KIF26A: variants seen among roughly 807,000 people sequenced by gnomAD.
The protein encoded by KIF26A is kinesin-like protein KIF26A.
KIF26A carries 74 observed loss-of-function variants against 126.0 expected under a neutral mutation model. The observed-to-expected ratio is 0.59, with a 90% CI of 0.49 to 0.71. The LOEUF is 0.71. Ranked by LOEUF, KIF26A falls within the 30% of genes least tolerant of loss-of-function variation. The probability of loss-of-function intolerance (pLI) is 0.00; values close to 1 mark genes in which losing one functional copy is unlikely to be tolerated. For synonymous variants in KIF26A, 1,445 were observed against 1,232.7 expected, an observed-to-expected ratio of 1.17 and a Z score of -3.61; for missense variants, 2,984 against 2,763.3, an observed-to-expected ratio of 1.08 and a Z score of -1.79.
At chr14:104,157,247 A>G (rs79713436) in intron 3 of KIF26A, among the ~76,000 whole-genome samples, 11,065 of 152,230 alleles carry the variant, frequency 0.073, 1,311 homozygotes, top group African/African-American at 0.25. Flanking sequence ...CCAGGGTAGT[A>G]TTTCAGATGA....
rs908043150 is a variant in KIF26A at position 104,165,355 on chromosome 14, C to T, written c.924-1504C>T. Among the ~76,000 whole-genome samples, 25 of 131,388 alleles carry T rather than the reference C, an allele frequency of 1.9e-4. No individual in the cohort carries two copies. In the South Asian group the frequency reaches 2.2e-3, roughly 12 times the overall value. 86.2% of individuals were successfully genotyped at this position (131,388 alleles called of 152,430 possible). A position where few individuals can be genotyped will look rare whatever the true frequency, so the allele number is the denominator to read the frequency against. The stretch of plus-strand genomic sequence containing the variant: ...CGTCTGTGTGTCTGTATCATGTGTG[C>T]GTCTGTGTGTCCCTGTGTGCATGTG... On this transcript the variant is annotated intron_variant, in intron 4 of 14. Transcript: ENST00000423312.
At chr14:104,145,969 G>T (rs2036239231) in intron 2 of KIF26A, among the ~76,000 whole-genome samples, 1 of 152,220 alleles carries the variant, frequency 6.6e-6, no homozygotes, top group African/African-American at 2.4e-5. Flanking sequence ...TCTCCTGAGG[G>T]TGGGACTGGG....
chr14:104,147,362 G>A (rs1596132918), intron 2 of KIF26A, among the ~76,000 whole-genome samples: 1 of 152,216 alleles, frequency 6.6e-6, no homozygotes, highest in African/African-American at 2.4e-5. Context: ...GGCCCTTGGG[G>A]ATGGCGTGCC....
At position 104,175,476 on chromosome 14, in the gene KIF26A, C is replaced by T; in HGVS notation, c.2688C>T (p.Ala896=). Residue 896 remains alanine (A), a synonymous_variant, in exon 12 of 15, where the codon GCC becomes GCT. Coordinates refer to ENST00000423312, the MANE Select transcript of KIF26A (RefSeq NM_015656.2). ...AGGCCGTGGGCACCCCGATGGCTGC[C>T]AGCACCCCTCGAGGCAGTTCTGGTC... ...PRKAVGTPMA[A]STPRGSSGPD... is the part of the protein sequence containing the mutation. 1 of 1,592,892 alleles carries T rather than the reference C, an allele frequency of 6.3e-7. No individual in the cohort carries two copies. The highest frequency in any genetic ancestry group is 8.5e-7 in the Non-Finnish European group (1 of 1,176,854).
chr14:104,144,338 T>C (rs976752261), intron 2 of KIF26A, among the ~76,000 whole-genome samples: 6 of 151,742 alleles, frequency 4.0e-5, no homozygotes, highest in Middle Eastern at 3.4e-3. Context: ...TGGGGGAGTC[T>C]GGCCGTGGTC....
chr14:104,161,678 C>T (rs899583070), intron 4 of KIF26A, among the ~76,000 whole-genome samples: 1 of 152,184 alleles, frequency 6.6e-6, no homozygotes, highest in African/African-American at 2.4e-5. Context: ...GCATCTGCCC[C>T]CAGACCCCCT....
chr14:104,173,650 G>C (rs2037984150), intron 9 of KIF26A, 56 bp from the exon 10 acceptor site: 1 of 1,587,594 alleles, frequency 6.3e-7, no homozygotes, highest in East Asian at 2.3e-5. Context: ...TGGGGATGTG[G>C]AGCAGGATCT....
rs199830144 is a variant in KIF26A at position 104,176,591 on chromosome 14, C to T, written c.3803C>T (p.Pro1268Leu). The T allele has an allele frequency of 1.9e-6, 3 of 1,608,464 alleles. No homozygotes were observed. The highest frequency in any genetic ancestry group is 2.7e-5 in the African/African-American group (2 of 74,918). The change falls in exon 12 of 15, where the codon CCC becomes CTC. Residue 1268 changes from proline (P) to leucine (L), a missense_variant. By Grantham distance (98) the Pro-to-Leu change is moderately conservative (BLOSUM62 -3). Coordinates refer to ENST00000423312, the MANE Select transcript of KIF26A (RefSeq NM_015656.2). ...GRAPSPTLGS[P>L]RLPEAQVMLA... ...GCCCCCAGCCCCACACTTGGCTCCC[C>T]CCGGCTGCCTGAGGCCCAGGTGATG...
intron 1 of KIF26A, 76 bp from the exon 2 acceptor site, chr14:104,138,967 G>T: frequency 7.6e-7 from 1 of 1,308,140 alleles, no homozygotes; most frequent in Non-Finnish European, 9.7e-7. Flanking sequence ...GCGTCACGCT[G>T]GGGCAGGGCG....
chr14:104,148,332 C>T lies in KIF26A; in HGVS notation c.289-3683C>T, dbSNP rs1457966009. Among the ~76,000 whole-genome samples the T allele has an allele frequency of 6.6e-6, 1 of 152,172 alleles. No individual in the cohort carries two copies. The highest frequency in any genetic ancestry group is 2.4e-5 in the African/African-American group (1 of 41,432). ...AATGAAGAAAAACATTTTCCAAATGCAAGTAAAGTATCTGTGTAATTAGAC... is the reference window on the plus strand; with the variant it reads ...AATGAAGAAAAACATTTTCCAAATGTAAGTAAAGTATCTGTGTAATTAGAC... On this transcript the variant is annotated intron_variant, in intron 2 of 14. Transcript: ENST00000423312. This position sits in a 1 kb window ranked among gnomAD's most constrained non-coding sequence, Gnocchi z 4.3.
Position 104,176,899 on chromosome 14 carries a change from C to T in KIF26A, c.4111C>T (p.Leu1371=), listed in dbSNP as rs2038036301. Reference sequence around the variant, plus strand: ...GGCCCCACCCACGCGGAAGTCCAGCCTGGAGCAGAGGAGCAGCCCGGCCTC... The same window carrying T: ...GGCCCCACCCACGCGGAAGTCCAGCTTGGAGCAGAGGAGCAGCCCGGCCTC... ...PPAPPTRKSS[L]EQRSSPASAP... The change falls in exon 12 of 15, where the codon CTG becomes TTG. Residue 1371 remains leucine (L), a synonymous_variant. Transcript: ENST00000423312. The T allele has an allele frequency of 6.5e-7, 1 of 1,540,766 alleles. No individual in the cohort carries two copies. Among genetic ancestry groups the T allele is most frequent in the East Asian group, 2.4e-5 (1 of 40,864 alleles).
In KIF26A at chr14:104,173,088, G is replaced by A; in HGVS notation, c.1532G>A (p.Gly511Asp). 6.2e-7 allele frequency: 1 copy of A among 1,604,532 alleles called. No homozygotes were observed. Among genetic ancestry groups the A allele is most frequent in the Non-Finnish European group, 8.5e-7 (1 of 1,176,586 alleles). ...RLIEERRERT[G>D]TRFSVRVSAV... ...ATCGAGGAGCGCAGGGAGAGGACGG[G>A]CACCCGCTTCTCCGTCCGGGTCTCA... Residue 511 changes from glycine to aspartate, a missense_variant, in exon 8 of 15, where the codon GGC (glycine) becomes GAC (aspartate). Gly to Asp is a moderately conservative substitution (Grantham distance 94). Coordinates refer to ENST00000423312, the MANE Select transcript of KIF26A (RefSeq NM_015656.2).
At chr14:104,165,567 C>T (rs1192842620) in intron 4 of KIF26A, among the ~76,000 whole-genome samples, 1 of 143,182 alleles carries the variant, frequency 7.0e-6, no homozygotes. Flanking sequence ...CTGTGTGTTT[C>T]TGTATGCATG....
chr14:104,179,507 G>A (rs958436168), intron 14 of KIF26A, 102 bp from the exon 15 acceptor site: 118 of 1,426,928 alleles, frequency 8.3e-5, no homozygotes, highest in South Asian at 1.9e-4. Flanking sequence ...AGGCAGGGTC[G>A]GCCGGGCCAA....
intron 7 of KIF26A, 32 bp from the exon 8 acceptor site, chr14:104,172,945 G>A (rs1329974769): frequency 1.3e-6 from 2 of 1,552,582 alleles, no homozygotes; most frequent in Middle Eastern, 2.3e-4. Context: ...TGCGTGGTGT[G>A]TGGTGGGGCC....
rs565537395 is a variant in KIF26A at position 104,178,575 on chromosome 14, C to T, written c.5136C>T (p.Pro1712=). 309 of 1,490,130 alleles carry T rather than the reference C, an allele frequency of 2.1e-4. 2 individuals are homozygous for T. The East Asian group carries it at 4.1e-3, about 20-fold the overall frequency. 92.3% of individuals were successfully genotyped at this position (1,490,130 alleles called of 1,614,324 possible). ...ATGLQRRRLI[P]APLPDTTALG... ...GTCTGCAGCGGCGGCGCCTGATTCCCGCCCCACTGCCCGACACCACTGCCC... is the reference window on the plus strand; with the variant it reads ...GTCTGCAGCGGCGGCGCCTGATTCCTGCCCCACTGCCCGACACCACTGCCC... The change falls in exon 13 of 15, where the codon CCC becomes CCT. Residue 1712 remains proline, a synonymous_variant. Transcript: ENST00000423312.
rs868509704 is a variant in KIF26A, at chr14:104,148,411, T to A, written c.289-3604T>A. Among the ~76,000 whole-genome samples, 94 of 152,288 alleles carry A rather than the reference T, an allele frequency of 6.2e-4. No individual in the cohort carries two copies. Among genetic ancestry groups the A allele is most frequent in the African/African-American group, 2.2e-3 (92 of 41,552 alleles). ...CGCAGTGGAGTAATTACTGTCTTCC[T>A]CAAGACACCAGGCTGTGGAGGCCTG... On this transcript the variant is annotated intron_variant, in intron 2 of 14. Coordinates refer to ENST00000423312, the MANE Select transcript of KIF26A (RefSeq NM_015656.2). This position sits in a 1 kb window ranked among gnomAD's most constrained non-coding sequence, Gnocchi z 4.3.
Position 104,157,887 on chromosome 14 carries a change from C to T in KIF26A, c.868C>T (p.Pro290Ser). 1 of 1,577,544 alleles carries T rather than the reference C, an allele frequency of 6.3e-7. No homozygotes were observed. The highest frequency in any genetic ancestry group is 1.1e-5 in the South Asian group (1 of 88,326). Residue 290 changes from proline (P) to serine (S), a missense_variant, in exon 4 of 15, where the codon CCG becomes TCG. Physicochemically the swap from Pro to Ser is moderately conservative, Grantham distance 74. Coordinates refer to ENST00000423312, the MANE Select transcript of KIF26A (RefSeq NM_015656.2). ...CACGTCAGCCCTGGTCACCCCCACC[C>T]CGGGCTCGGTGGGGGGCTCCACAGG... ...VCTSALVTPT[P>S]GSVGGSTGPS...
chr14:104,179,614 G>A lies in KIF26A; in HGVS notation c.5473G>A (p.Val1825Met). 6.6e-7 allele frequency: 1 copy of A among 1,526,634 alleles called. No homozygotes were observed. The highest frequency in any genetic ancestry group is 8.8e-7 in the Non-Finnish European group (1 of 1,134,974). The allele number at this position is 1,526,634 out of a possible 1,614,324, so 94.6% of individuals were successfully genotyped here. ...EPGRWLEQFE[V>M]DPELEPESAE... Reference sequence around the variant, plus strand: ...CCCTCTCCTCCCCTCCCCAGTTGAGGTGGACCCGGAGCTGGAGCCCGAGTC... The same window carrying A: ...CCCTCTCCTCCCCTCCCCAGTTGAGATGGACCCGGAGCTGGAGCCCGAGTC... The change falls in exon 15 of 15, where the codon GTG becomes ATG. Residue 1825 changes from valine (V) to methionine (M), a missense_variant. By Grantham distance (21) the Val-to-Met change is conservative. Coordinates refer to ENST00000423312, the MANE Select transcript of KIF26A (RefSeq NM_015656.2).
Sources: gnomAD v4.1 joint callset for allele counts (sites outside exome capture counted in the v4.1 genomes callset) on GRCh38, gnomAD v4.1.1 for gene constraint, Gnocchi (gnomAD v3.1) non-coding constraint, MANE v1.5 for transcripts, NCBI Gene and HGNC (gene_info 2026-07-23, HGNC 2026-07-21) for gene names.